Variants in GPD1L observed in about 807,000 individuals in gnomAD.
GPD1L encodes the protein glycerol-3-phosphate dehydrogenase 1-like protein.
GPD1L carries 17 observed loss-of-function variants against 32.9 expected under a neutral mutation model. That is an observed-to-expected ratio of 0.52 (90% CI 0.35 to 0.78). GPD1L has a LOEUF of 0.78. Ranked by LOEUF, GPD1L falls within the 30% of genes least tolerant of loss-of-function variation. GPD1L has a pLI of 0.01. For missense variants in GPD1L, 361 were observed against 447.8 expected (o/e 0.81, Z 1.75); for synonymous variants, 187 against 165.9 (o/e 1.13, Z -0.98).
intron 4 of GPD1L, among the ~76,000 whole-genome samples, chr3:32,146,057 T>G (rs1384094342): frequency 2.6e-5 from 4 of 151,276 alleles, no homozygotes; most frequent in Non-Finnish European, 4.4e-5. Context: ...TGGTGTAGTT[T>G]TACTTGTTGA....
intron 4 of GPD1L, among the ~76,000 whole-genome samples, chr3:32,142,409 G>A (rs1575116391): frequency 1.3e-5 from 2 of 152,074 alleles, no homozygotes; most frequent in South Asian, 2.1e-4. Flanking sequence ...GAGCCACCGC[G>A]CCCGGCTGAT....
chr3:32,159,327 G>A (rs1388011107), intron 6 of GPD1L, among the ~76,000 whole-genome samples: 1 of 151,932 alleles, frequency 6.6e-6, no homozygotes, highest in African/African-American at 2.4e-5. Context: ...CTCTCACTCT[G>A]CTCTTGAAAT....
At chr3:32,150,035 C>T (rs1023889488) in intron 5 of GPD1L, among the ~76,000 whole-genome samples, 25 of 152,060 alleles carry the variant, frequency 1.6e-4, no homozygotes, top group African/African-American at 6.0e-4. Context: ...TGTGTGCATG[C>T]ACTTGCGAAA....
At chr3:32,154,963 G>A (rs936336808) in intron 5 of GPD1L, among the ~76,000 whole-genome samples, 48 of 152,164 alleles carry the variant, frequency 3.2e-4, no homozygotes, top group African/African-American at 9.9e-4. Flanking sequence ...TGCCCAGGCT[G>A]GTCTCAAACT....
At chr3:32,142,839 A>G (rs556874947) in intron 4 of GPD1L, among the ~76,000 whole-genome samples, 2 of 151,186 alleles carry the variant, frequency 1.3e-5, no homozygotes, top group Non-Finnish European at 3.0e-5. Context: ...GCATTTCTTT[A>G]CCCGGTGCTT....
At chr3:32,138,211 G>A (rs1453555761) in intron 2 of GPD1L, among the ~76,000 whole-genome samples, 1 of 152,226 alleles carries the variant, frequency 6.6e-6, no homozygotes, top group African/African-American at 2.4e-5. Context: ...GGAGCCTGGG[G>A]AAATAGTTTA....
intron 1 of GPD1L, among the ~76,000 whole-genome samples, chr3:32,109,985 T>G (rs1284253628): frequency 1.3e-5 from 2 of 152,272 alleles, no homozygotes; most frequent in Admixed American, 1.3e-4. Flanking sequence ...TGGCGCAATC[T>G]CAGCTCACCG....
At chr3:32,159,198 G>A in intron 6 of GPD1L, 89 bp downstream of exon 6, 1 of 957,584 alleles carries the variant, frequency 1.0e-6, no homozygotes, top group South Asian at 1.4e-5. Flanking sequence ...GAGATTTCAT[G>A]CCAGCATCTA....
intron 7 of GPD1L, among the ~76,000 whole-genome samples, chr3:32,165,364 C>T (rs1299832342): frequency 8.4e-5 from 6 of 71,854 alleles, no homozygotes; most frequent in African/African-American, 3.9e-4. Context: ...CGGATTCTTG[C>T]GGGAGCATTC....
intron 5 of GPD1L, among the ~76,000 whole-genome samples, chr3:32,156,750 G>A (rs183833292): frequency 1.7e-4 from 26 of 152,292 alleles, no homozygotes; most frequent in Admixed American, 1.2e-3. Flanking sequence ...ATCAAAAACT[G>A]CCTGTGTACT....
rs188138719 is a variant in GPD1L, at chr3:32,159,593, T to C, written c.878T>C (p.Met293Thr). The C allele has an allele frequency of 2.4e-5, 38 of 1,610,560 alleles. No homozygotes were observed. The highest frequency in any genetic ancestry group is 5.0e-5 in the Admixed American group (3 of 60,016). ...ACCATTGAAGAGTTGGAGAAGGAGA[T>C]GCTGAATGGGCAAAAGCTCCAAGGA... is the stretch of plus-strand genomic sequence containing the variant. Reference protein sequence around the residue: ...GKTIEELEKEMLNGQKLQGPQ... With the variant: ...GKTIEELEKETLNGQKLQGPQ... Residue 293 changes from methionine (M) to threonine (T), a missense_variant, in exon 7 of 8, where the codon ATG becomes ACG. Coordinates refer to ENST00000282541, the MANE Select transcript of GPD1L (RefSeq NM_015141.4).
At chr3:32,151,463 T>A (rs1042318471) in intron 5 of GPD1L, 1 of 446,990 alleles carries the variant, frequency 2.2e-6, no homozygotes, top group Non-Finnish European at 3.9e-6. Context: ...TAAAAAAAGG[T>A]TTTTTAGCTT....
intron 2 of GPD1L, among the ~76,000 whole-genome samples, chr3:32,132,411 GA>G (rs1700598546): frequency 6.6e-6 from 1 of 152,124 alleles, no homozygotes; most frequent in Admixed American, 6.5e-5. Flanking sequence ...TATCACATGG[GA>G]AATAAGTTTA....
intron 5 of GPD1L, among the ~76,000 whole-genome samples, chr3:32,148,223 C>G (rs1288063355): frequency 6.6e-6 from 1 of 152,194 alleles, no homozygotes; most frequent in African/African-American, 2.4e-5. Flanking sequence ...CATGGAGAAG[C>G]TGTGAAACCC....
At chr3:32,122,448 A>G (rs1304081186) in intron 1 of GPD1L, among the ~76,000 whole-genome samples, 1 of 152,352 alleles carries the variant, frequency 6.6e-6, no homozygotes, top group East Asian at 1.9e-4. Flanking sequence ...GAAATCTTAT[A>G]TGAAGTACCC....
chr3:32,161,976 T>C lies in GPD1L; in HGVS notation c.959+2302T>C, dbSNP rs189792976. Among the ~76,000 whole-genome samples, 5 of 152,300 alleles carry C rather than the reference T, an allele frequency of 3.3e-5. No individual in the cohort carries two copies. In the East Asian group the frequency reaches 9.7e-4, roughly 29 times the overall value. ...CTTACTTTGATTCCTTTTTCCTTTT[T>C]CATTCTGACCACCACTACTCCGGTC... On this transcript the variant is annotated intron_variant, in intron 7 of 7. Transcript: ENST00000282541.
intron 1 of GPD1L, among the ~76,000 whole-genome samples, chr3:32,111,108 T>G (rs1700239797): frequency 6.6e-6 from 1 of 152,206 alleles, no homozygotes; most frequent in Non-Finnish European, 1.5e-5. Flanking sequence ...TCAAATAGTC[T>G]GCCCGCCTTG....
At chr3:32,118,192 G>A (rs1212760156) in intron 1 of GPD1L, among the ~76,000 whole-genome samples, 1 of 152,114 alleles carries the variant, frequency 6.6e-6, no homozygotes, top group African/African-American at 2.4e-5. Flanking sequence ...ATCTAAATGG[G>A]AATGATTTAA....
At chr3:32,141,326 AAGAT>A (rs1212118197) in intron 4 of GPD1L, among the ~76,000 whole-genome samples, 5 of 152,130 alleles carry the variant, frequency 3.3e-5, no homozygotes, top group African/African-American at 1.2e-4. Flanking sequence ...ATTATTATGG[AAGAT>A]AGAGATAATC....
Sources: allele counts gnomAD v4.1 joint callset (sites outside exome capture counted in the v4.1 genomes callset), GRCh38; gene constraint gnomAD v4.1.1; transcripts MANE v1.5; gene names NCBI Gene and HGNC (gene_info 2026-07-23, HGNC 2026-07-21).